LVRN: variants seen among roughly 807,000 people sequenced by gnomAD.
The protein encoded by LVRN is laeverin.
In LVRN, 99 loss-of-function variants were observed where a neutral mutation model predicts 111.4. The observed-to-expected ratio is 0.89, with a 90% confidence interval of 0.76 to 1.05. LVRN has a LOEUF of 1.05. Among genes scored for constraint, LVRN ranks in the 50% least tolerant of loss-of-function variants. LVRN has a pLI of 0.00. For missense variants in LVRN, 1,414 were observed against 1,206.8 expected, an observed-to-expected ratio of 1.17 and a Z score of -2.54; for synonymous variants, 488 against 449.5, an observed-to-expected ratio of 1.09 and a Z score of -1.08.
At chr5:116,012,514 T>C (rs1748513260) in intron 15 of LVRN, 46 bp downstream of exon 15, 1 of 1,121,592 alleles carries the variant, frequency 8.9e-7, no homozygotes, top group Non-Finnish European at 1.3e-6. Flanking sequence ...TGCATTCATA[T>C]TAATAGGCTT....
intron 1 of LVRN, among the ~76,000 whole-genome samples, chr5:115,965,196 A>G (rs1363633627): frequency 1.3e-5 from 2 of 152,236 alleles, no homozygotes; most frequent in African/African-American, 4.8e-5. Context: ...GATTATCATT[A>G]TGATCAGCTT....
intron 6 of LVRN, among the ~76,000 whole-genome samples, chr5:115,998,579 A>G (rs979128133): frequency 7.2e-5 from 11 of 152,180 alleles, no homozygotes; most frequent in Non-Finnish European, 1.6e-4. Flanking sequence ...CACTCTCAAG[A>G]AGCCTTGAGT....
intron 12 of LVRN, among the ~76,000 whole-genome samples, chr5:116,004,127 T>C (rs1321768329): frequency 1.3e-5 from 2 of 152,218 alleles, no homozygotes; most frequent in African/African-American, 4.8e-5. Flanking sequence ...CAGTAAATGC[T>C]AGAAAATACT....
intron 3 of LVRN, among the ~76,000 whole-genome samples, chr5:115,987,559 T>C (rs552566796): frequency 6.6e-6 from 1 of 152,290 alleles, no homozygotes; most frequent in Admixed American, 6.5e-5. Context: ...CCAGGGGTTG[T>C]TTTATGATTC....
At chr5:116,019,099 C>T (rs969308888) in intron 18 of LVRN, among the ~76,000 whole-genome samples, 2 of 152,212 alleles carry the variant, frequency 1.3e-5, no homozygotes, top group Non-Finnish European at 2.9e-5. Flanking sequence ...GAGCCTACTA[C>T]ACACCTGGGC....
Position 116,025,958 on chromosome 5 carries a change from C to T in LVRN, c.2833-20C>T. On this transcript the variant is annotated intron_variant, in intron 19 of 19. Coordinates refer to ENST00000357872, the MANE Select transcript of LVRN (RefSeq NM_173800.5). ...TGGGAAGTTGGATTGCACTGATCATCTGTCTCTCTGTCCTTCCAGCTGCAG... is the reference window on the plus strand; with the variant it reads ...TGGGAAGTTGGATTGCACTGATCATTTGTCTCTCTGTCCTTCCAGCTGCAG... The T allele has an allele frequency of 6.2e-7, 1 of 1,613,042 alleles. No homozygotes were observed.
intron 1 of LVRN, among the ~76,000 whole-genome samples, chr5:115,980,633 G>A (rs187378500): frequency 2.8e-4 from 42 of 152,074 alleles, no homozygotes; most frequent in Admixed American, 8.5e-4. Context: ...TTTTCTCTCC[G>A]CTCCCCACCT....
At chr5:115,966,838 C>T (rs990916613) in intron 1 of LVRN, among the ~76,000 whole-genome samples, 1 of 152,124 alleles carries the variant, frequency 6.6e-6, no homozygotes, top group African/African-American at 2.4e-5. Flanking sequence ...TTTAGCTGTC[C>T]TGATAGGTGT....
At chr5:116,015,914 G>T in intron 18 of LVRN, 149 bp downstream of exon 18, 1 of 977,292 alleles carries the variant, frequency 1.0e-6, no homozygotes, top group Middle Eastern at 2.4e-4. Context: ...TTTTTCCTTT[G>T]TTTAGTCTCA....
At position 116,025,859 on chromosome 5, in the gene LVRN, A is replaced by C. The variant is rs1748853025; in HGVS notation, c.2833-119A>C. On this transcript the variant is annotated intron_variant, in intron 19 of 19. Coordinates refer to ENST00000357872, the MANE Select transcript of LVRN (RefSeq NM_173800.5). Reference sequence around the variant, plus strand: ...ACACAACCTAGGAGTATACATTTCTACTCATTCCAACCATCATCACCAATT... The same window carrying C: ...ACACAACCTAGGAGTATACATTTCTCCTCATTCCAACCATCATCACCAATT... 2.3e-6 allele frequency: 3 copies of C among 1,302,956 alleles called. No homozygotes were observed. The East Asian group carries it at 7.1e-5, about 31-fold the overall frequency. 80.7% of individuals were successfully genotyped at this position (1,302,956 alleles called of 1,614,324 possible). A position where few individuals can be genotyped will look rare whatever the true frequency, so the allele number is the denominator to read the frequency against.
intron 1 of LVRN, chr5:115,975,147 G>T (rs1465233822): frequency 2.3e-6 from 1 of 438,992 alleles, no homozygotes; most frequent in South Asian, 1.9e-5. Flanking sequence ...ATGAGTCAAT[G>T]AACTGAATAT....
rs1224532246 is a variant in LVRN at position 116,014,526 on chromosome 5, G to T, written c.2449G>T (p.Glu817Ter). Reference sequence around the variant, plus strand: ...AAAATGGGTGGATCATCCAGAAAATGAGTAAGAGTAATATCATAATTCCTC... The same window carrying T: ...AAAATGGGTGGATCATCCAGAAAATTAGTAAGAGTAATATCATAATTCCTC... ...FAKWVDHPEN[E>*]IPYPIKDVVL... Residue 817 changes from glutamate to a stop codon, truncating the protein, a stop_gained and splice_region_variant, in exon 16 of 20, where the codon GAA becomes TAA. Transcript: ENST00000357872. LOFTEE classifies it high-confidence loss of function. 6.2e-7 allele frequency: 1 copy of T among 1,609,008 alleles called. No individual in the cohort carries two copies. Among genetic ancestry groups the T allele is most frequent in the Admixed American group, 1.7e-5 (1 of 59,910 alleles).
At chr5:115,998,654 C>A (rs4921050) in intron 6 of LVRN, among the ~76,000 whole-genome samples, 67,974 of 151,916 alleles carry the variant, frequency 0.45, 15,517 homozygotes, top group South Asian at 0.52. Context: ...TCCTCCAAAT[C>A]CTTGCTACTC....
intron 9 of LVRN, 61 bp downstream of exon 9, chr5:116,000,719 C>T: frequency 1.9e-6 from 3 of 1,559,790 alleles, no homozygotes; most frequent in Non-Finnish European, 2.6e-6. Context: ...CAGGAAAAGA[C>T]TGGGAGGCCA....
In LVRN at chr5:116,003,372, G is replaced by A; in HGVS notation, c.2029G>A (p.Asp677Asn). The change falls in exon 12 of 20, where the codon GAT becomes AAT. Residue 677 changes from aspartate to asparagine, a missense_variant. Coordinates refer to ENST00000357872, the MANE Select transcript of LVRN (RefSeq NM_173800.5). ...GAAACTAAATCAACAACTTGAAAAG[G>A]ATCCTAAGGTAAGGTTACTTTTGAT... ...WKKLNQQLEKDPKAIPVIHRL... is the reference protein window; with the variant it reads ...WKKLNQQLEKNPKAIPVIHRL... 1.4e-6 allele frequency: 2 copies of A among 1,446,988 alleles called. No individual in the cohort carries two copies. The highest frequency in any genetic ancestry group is 1.5e-5 in the African/African-American group (1 of 67,936). 89.6% of individuals were successfully genotyped at this position (1,446,988 alleles called of 1,614,324 possible). A position where few individuals can be genotyped will look rare whatever the true frequency, so the allele number is the denominator to read the frequency against.
At chr5:115,982,073 T>C (rs914754573) in intron 1 of LVRN, among the ~76,000 whole-genome samples, 1 of 152,194 alleles carries the variant, frequency 6.6e-6, no homozygotes, top group African/African-American at 2.4e-5. Context: ...CCCACAGGGC[T>C]CGTTCCAGTC....
At chr5:115,984,760 A>G in intron 3 of LVRN, 51 bp downstream of exon 3, 1 of 1,601,484 alleles carries the variant, frequency 6.2e-7, no homozygotes, top group Non-Finnish European at 8.5e-7. Context: ...GCTGCAGATT[A>G]TTCATCTATT....
At chr5:115,964,343 T>A (rs1203345880) in intron 1 of LVRN, among the ~76,000 whole-genome samples, 1 of 152,206 alleles carries the variant, frequency 6.6e-6, no homozygotes, top group East Asian at 1.9e-4. Context: ...TGCACTACTT[T>A]CAAAATTTCA....
intron 1 of LVRN, among the ~76,000 whole-genome samples, chr5:115,967,552 C>CT (rs1361380384): frequency 6.6e-6 from 1 of 151,990 alleles, no homozygotes; most frequent in Non-Finnish European, 1.5e-5. Context: ...TTGAAATTGT[C>CT]TTTTTTTAGA....
Sources: allele counts gnomAD v4.1 joint callset (sites outside exome capture counted in the v4.1 genomes callset), GRCh38; gene constraint gnomAD v4.1.1; transcripts MANE v1.5; gene names NCBI Gene and HGNC (gene_info 2026-07-23, HGNC 2026-07-21).